Variants in EPB41L2 observed in about 807,000 individuals in gnomAD.
The protein encoded by EPB41L2 is band 4.1-like protein 2.
A neutral mutation model predicts 113.0 loss-of-function variants in EPB41L2; 43 were observed. That is an observed-to-expected ratio of 0.38 (90% CI 0.30 to 0.49). The LOEUF is 0.49. EPB41L2 is among the 20% of genes least tolerant of loss of function. EPB41L2 has a pLI of 0.95. For synonymous variants in EPB41L2, 442 were observed against 436.7 expected (o/e 1.01, Z -0.15); for missense variants, 1,147 against 1,223.4 (o/e 0.94, Z 0.93).
chr6:130,967,038 A>C (rs11760051), intron 1 of EPB41L2, among the ~76,000 whole-genome samples: 22,238 of 152,150 alleles, frequency 0.15, 2,284 homozygotes, highest in East Asian at 0.45. Context: ...CCAAGCTTTT[A>C]GTGCAGCAAC....
At chr6:131,038,725 T>C (rs2128180540) in intron 1 of EPB41L2, among the ~76,000 whole-genome samples, 1 of 151,994 alleles carries the variant, frequency 6.6e-6, no homozygotes, top group South Asian at 2.1e-4. Flanking sequence ...CACAGCATTT[T>C]GTTTTTATTA....
intron 11 of EPB41L2, among the ~76,000 whole-genome samples, chr6:130,887,959 T>C (rs377558096): frequency 1.3e-4 from 20 of 152,338 alleles, no homozygotes; most frequent in African/African-American, 4.8e-4. Context: ...TTGATTTTCA[T>C]TTTGATATTT....
chr6:130,846,408 A>G (rs922268086), intron 19 of EPB41L2, among the ~76,000 whole-genome samples: 1 of 152,234 alleles, frequency 6.6e-6, no homozygotes, highest in East Asian at 1.9e-4. Flanking sequence ...TTAGGTGTAT[A>G]AAGTGGTCCT....
chr6:130,870,747 C>G (rs964111906), intron 14 of EPB41L2, among the ~76,000 whole-genome samples: 4 of 151,590 alleles, frequency 2.6e-5, no homozygotes, highest in African/African-American at 4.9e-5. Context: ...ACTATAAAGT[C>G]TAGCCTGGAA....
chr6:131,062,102 C>A (rs1379723419), intron 1 of EPB41L2, among the ~76,000 whole-genome samples: 1 of 152,044 alleles, frequency 6.6e-6, no homozygotes, highest in East Asian at 1.9e-4. Flanking sequence ...AAAGACTACC[C>A]GGGTCCGTAG....
intron 1 of EPB41L2, among the ~76,000 whole-genome samples, chr6:130,994,798 C>T (rs144805333): frequency 6.1e-4 from 93 of 152,222 alleles, no homozygotes; most frequent in African/African-American, 2.1e-3. Context: ...AACCTGACTC[C>T]CGTTCTTTTT....
chr6:130,894,310 A>G, intron 10 of EPB41L2, 34 bp downstream of exon 10: 1 of 1,568,554 alleles, frequency 6.4e-7, no homozygotes, highest in Non-Finnish European at 8.8e-7. Flanking sequence ...ATGTGCGATC[A>G]TGCCCGGCTT....
chr6:131,038,391 A>C (rs1562780819), intron 1 of EPB41L2, among the ~76,000 whole-genome samples: 1 of 152,206 alleles, frequency 6.6e-6, no homozygotes, highest in Non-Finnish European at 1.5e-5. Flanking sequence ...ATGATGAATC[A>C]AATTATTCTA....
At chr6:131,052,781 T>C (rs1376171199) in intron 1 of EPB41L2, among the ~76,000 whole-genome samples, 2 of 151,858 alleles carry the variant, frequency 1.3e-5, no homozygotes, top group Non-Finnish European at 2.9e-5. Context: ...GAAACAGGAG[T>C]AAGCAGACCT....
rs140317172 is a variant in EPB41L2, at chr6:131,004,801, T to C, written c.-14-48302A>G. Among the ~76,000 whole-genome samples the C allele has an allele frequency of 9.4e-3, 1,427 of 152,204 alleles. 38 individuals are homozygous for C. Among genetic ancestry groups the C allele is most frequent in the African/African-American group, 0.032 (1,333 of 41,520 alleles). ...ATCACCCAACTCCCCACTACACAAC[T>C]CCCTGGTCACCTTTCCCTTCCTTTT... On this transcript the variant is annotated intron_variant, in intron 1 of 19. Transcript: ENST00000337057.
chr6:131,002,590 A>C (rs1319507689), intron 1 of EPB41L2, among the ~76,000 whole-genome samples: 1 of 152,244 alleles, frequency 6.6e-6, no homozygotes, highest in Non-Finnish European at 1.5e-5. Flanking sequence ...AGTAAAAGGA[A>C]TCTGGCATGT....
At chr6:130,935,711 A>G (rs977021211) in intron 3 of EPB41L2, among the ~76,000 whole-genome samples, 11 of 152,218 alleles carry the variant, frequency 7.2e-5, no homozygotes, top group Admixed American at 1.3e-4. Flanking sequence ...CTACACACGA[A>G]TTTATTTCTT....
intron 3 of EPB41L2, among the ~76,000 whole-genome samples, chr6:130,949,259 C>G (rs866574597): frequency 3.3e-5 from 5 of 152,230 alleles, no homozygotes; most frequent in Middle Eastern, 3.4e-3. Flanking sequence ...AATGCACACA[C>G]TTTTGGAAAT....
intron 4 of EPB41L2, among the ~76,000 whole-genome samples, chr6:130,920,634 G>A (rs748342249): frequency 2.0e-5 from 3 of 151,724 alleles, no homozygotes; most frequent in Non-Finnish European, 4.4e-5. Context: ...CCCCTCCTCC[G>A]AATAGCTGGA....
At chr6:131,015,205 C>A (rs1787920875) in intron 1 of EPB41L2, 1 of 152,158 alleles carries the variant, frequency 6.6e-6, no homozygotes, top group Non-Finnish European at 1.5e-5. Flanking sequence ...CATCAAAGTA[C>A]ATCTGTAATC....
intron 5 of EPB41L2, among the ~76,000 whole-genome samples, chr6:130,908,103 T>C (rs936257247): frequency 2.0e-5 from 3 of 152,208 alleles, no homozygotes; most frequent in Admixed American, 2.0e-4. Flanking sequence ...CTATTTATCA[T>C]GTTTCTTGGC....
At chr6:130,916,939 CT>C (rs57535790) in intron 4 of EPB41L2, among the ~76,000 whole-genome samples, 62 of 152,328 alleles carry the variant, frequency 4.1e-4, no homozygotes, top group African/African-American at 1.4e-3. Flanking sequence ...GTCCTACTGG[CT>C]TGTCAGCCTT....
intron 1 of EPB41L2, among the ~76,000 whole-genome samples, chr6:130,987,020 T>C (rs1172028938): frequency 2.0e-5 from 3 of 152,214 alleles, no homozygotes; most frequent in East Asian, 1.9e-4. Context: ...CTTTCACTTA[T>C]GTTTTCAAGG....
At chr6:130,913,323 C>T (rs558027005) in intron 4 of EPB41L2, among the ~76,000 whole-genome samples, 12 of 152,238 alleles carry the variant, frequency 7.9e-5, no homozygotes, top group Non-Finnish European at 1.2e-4. Flanking sequence ...ACTAAGTGGG[C>T]GGGGTTTACC....
Sources: allele counts gnomAD v4.1 joint callset (sites outside exome capture counted in the v4.1 genomes callset), GRCh38; gene constraint gnomAD v4.1.1; transcripts MANE v1.5; gene names NCBI Gene and HGNC (gene_info 2026-07-23, HGNC 2026-07-21).